TAOK3: variants seen among roughly 807,000 people sequenced by gnomAD.
The protein encoded by TAOK3 is TAO kinase 3.
Under a neutral mutation model 120.4 loss-of-function variants are expected in TAOK3, and 40 were observed. That is an observed-to-expected ratio of 0.33 (90% CI 0.26 to 0.43). TAOK3 has a LOEUF of 0.43. Ranked by LOEUF, TAOK3 falls within the 20% of genes least tolerant of loss-of-function variation. TAOK3 has a pLI of 1.00. For synonymous variants in TAOK3, 355 were observed against 387.5 expected (o/e 0.92, Z 0.99); for missense variants, 821 against 1,112.1 (o/e 0.74, Z 3.72).
chr12:118,182,613 A>ATG (rs2036814637), intron 14 of TAOK3, among the ~76,000 whole-genome samples: 2 of 85,070 alleles, frequency 2.4e-5, no homozygotes, highest in Non-Finnish European at 4.6e-5. Flanking sequence ...ATATATATAT[A>ATG]TATATATATA....
chr12:118,199,204 G>A lies in TAOK3; in HGVS notation c.1041C>T (p.Asn347=), dbSNP rs141081820. Residue 347 remains asparagine, a synonymous_variant, in exon 13 of 21, where the codon AAC becomes AAT. Transcript: ENST00000392533. ...TCACGGACATGCTTGGAATGGAATGGTTGCTGCCCAGGCTGTCCATTTCCC... is the reference window on the plus strand; with the variant it reads ...TCACGGACATGCTTGGAATGGAATGATTGCTGCCCAGGCTGTCCATTTCCC... ...LNREMDSLGS[N]HSIPSMSVST... 4.1e-5 allele frequency: 66 copies of A among 1,613,990 alleles called. No homozygotes were observed. The highest frequency in any genetic ancestry group is 5.1e-5 in the Non-Finnish European group (60 of 1,180,020).
At chr12:118,265,343 C>T (rs1234306705) in intron 2 of TAOK3, among the ~76,000 whole-genome samples, 1 of 141,478 alleles carries the variant, frequency 7.1e-6, no homozygotes, top group Non-Finnish European at 1.5e-5. Context: ...GAGCTGAGAT[C>T]ATGCCACTCC....
intron 1 of TAOK3, among the ~76,000 whole-genome samples, chr12:118,317,920 A>G (rs2043537568): frequency 6.6e-6 from 1 of 152,186 alleles, no homozygotes; most frequent in African/African-American, 2.4e-5. Context: ...AAGGACAGAC[A>G]TATATAGACC....
intron 13 of TAOK3, among the ~76,000 whole-genome samples, chr12:118,196,258 T>C (rs1424045679): frequency 6.6e-6 from 1 of 152,144 alleles, no homozygotes; most frequent in Non-Finnish European, 1.5e-5. Flanking sequence ...CCTGCTAAAA[T>C]CAGGGCATCT....
At chr12:118,244,551 CAG>C (rs1283959492) in intron 4 of TAOK3, among the ~76,000 whole-genome samples, 23 of 115,194 alleles carry the variant, frequency 2.0e-4, no homozygotes, top group African/African-American at 7.5e-4. Context: ...TTTTTTGAGA[CAG>C]AGCCTCGCTC....
At chr12:118,179,483 G>C (rs147015479) in intron 15 of TAOK3, among the ~76,000 whole-genome samples, 92 of 152,224 alleles carry the variant, frequency 6.0e-4, no homozygotes, top group African/African-American at 2.2e-3. Flanking sequence ...AGCATTAGGA[G>C]ATATACCTAA....
At chr12:118,326,263 T>G (rs905132632) in intron 1 of TAOK3, among the ~76,000 whole-genome samples, 9 of 152,338 alleles carry the variant, frequency 5.9e-5, no homozygotes, top group African/African-American at 1.9e-4. Context: ...TTGAAGAGAT[T>G]ATCCTTTCTC....
At chr12:118,213,887 G>T in intron 10 of TAOK3, 130 bp downstream of exon 10, 1 of 772,678 alleles carries the variant, frequency 1.3e-6, no homozygotes, top group Non-Finnish European at 2.1e-6. Context: ...AGGCATCAGT[G>T]TCACTTGTAA....
intron 1 of TAOK3, among the ~76,000 whole-genome samples, chr12:118,361,120 C>T (rs941934533): frequency 6.6e-6 from 1 of 152,132 alleles, no homozygotes; most frequent in Non-Finnish European, 1.5e-5. Context: ...ATATCAGCAT[C>T]GAAGCAAAAC....
chr12:118,175,384 T>A (rs959590695), intron 16 of TAOK3, among the ~76,000 whole-genome samples: 4 of 152,136 alleles, frequency 2.6e-5, no homozygotes, highest in African/African-American at 9.7e-5. Flanking sequence ...CTCAGCACTT[T>A]GGGAGGCTGA....
Position 118,371,534 on chromosome 12 carries a change from C to CA in TAOK3, c.-194+1113_-194+1114insT, listed in dbSNP as rs2045892324. 6.6e-6 allele frequency among the ~76,000 whole-genome samples: 1 copy of CA among 151,654 alleles called. No individual in the cohort carries two copies. Among genetic ancestry groups the CA allele is most frequent in the East Asian group, 1.9e-4 (1 of 5,138 alleles). ...ATGACATAATCCGGCTCCGGAGTCC[C>CA]CCGGAGTCCCGGGGGCTCACACTCC... is the stretch of plus-strand genomic sequence containing the variant. On this transcript the variant is annotated intron_variant, in intron 1 of 20. Transcript: ENST00000392533. The surrounding 1 kb of genome is among the most constrained non-coding windows in gnomAD (Gnocchi z 5.5).
rs1156263653 is a variant in TAOK3 at position 118,150,652 on chromosome 12, G to T, written c.*345C>A. On this transcript the variant is annotated 3_prime_UTR_variant, in exon 21 of 21. Transcript: ENST00000392533. ...TGGTGGTAATGAGTGATTGCTTAAA[G>T]CAATATACATCCACTTTTTTTGTTG... 5 of 185,106 alleles carry T rather than the reference G, an allele frequency of 2.7e-5. No individual in the cohort carries two copies. The allele number at this position is 185,106 out of a possible 1,614,324, so 11.5% of individuals were successfully genotyped here.
intron 1 of TAOK3, among the ~76,000 whole-genome samples, chr12:118,342,662 TA>T (rs2044662740): frequency 6.6e-6 from 1 of 152,300 alleles, no homozygotes; most frequent in Non-Finnish European, 1.5e-5. Context: ...ATCTGGGCTC[TA>T]CAGCTCACAC....
At chr12:118,297,091 T>A (rs1374356845) in intron 1 of TAOK3, 1 of 152,162 alleles carries the variant, frequency 6.6e-6, no homozygotes, top group East Asian at 1.9e-4. Context: ...TTCTTCCGCA[T>A]GATTAATAAG....
intron 1 of TAOK3, among the ~76,000 whole-genome samples, chr12:118,329,538 TA>T (rs2044063360): frequency 6.6e-6 from 1 of 152,190 alleles, no homozygotes; most frequent in South Asian, 2.1e-4. Flanking sequence ...GAAAAAGGAC[TA>T]TATTCTGTAT....
At position 118,181,353 on chromosome 12, in the gene TAOK3, G is replaced by C. The variant is rs375131537; in HGVS notation, c.1566+18C>G. On this transcript the variant is annotated intron_variant, in intron 15 of 20. Transcript: ENST00000392533. ...CTGGGCTTGGTTGTGGCATGAAGGC[G>C]TGTGTGCACATACTGACCTCCTTTT... 28 of 1,592,104 alleles carry C rather than the reference G, an allele frequency of 1.8e-5. No individual in the cohort carries two copies. In the Middle Eastern group the frequency reaches 8.3e-4, roughly 47 times the overall value.
At chr12:118,292,418 G>A (rs1385438133) in intron 1 of TAOK3, among the ~76,000 whole-genome samples, 2 of 152,000 alleles carry the variant, frequency 1.3e-5, no homozygotes, top group East Asian at 1.9e-4. Flanking sequence ...ACTTTTTTTG[G>A]TTGGGCCTAG....
At chr12:118,281,502 C>T (rs1049534226) in intron 1 of TAOK3, among the ~76,000 whole-genome samples, 8 of 152,172 alleles carry the variant, frequency 5.3e-5, no homozygotes, top group South Asian at 4.2e-4. Flanking sequence ...TATTAAAAAG[C>T]GTCCAGGTGT....
Position 118,244,819 on chromosome 12 carries a change from C to T in TAOK3, c.192+75G>A, listed in dbSNP as rs542802796. ...CTGGGATTACAGGCGTGAACCACCG[C>T]GCCCGGCCAGAATTTTGTTAATTTC... On this transcript the variant is annotated intron_variant, in intron 4 of 20. Coordinates refer to ENST00000392533, the MANE Select transcript of TAOK3 (RefSeq NM_016281.4). 7.1e-6 allele frequency: 8 copies of T among 1,133,468 alleles called. No homozygotes were observed. In the African/African-American group the frequency reaches 1.1e-4, roughly 15 times the overall value. The allele number at this position is 1,133,468 out of a possible 1,614,324, so 70.2% of individuals were successfully genotyped here. A position where few individuals can be genotyped will look rare whatever the true frequency, so the allele number is the denominator to read the frequency against.
Sources: allele counts gnomAD v4.1 joint callset (sites outside exome capture counted in the v4.1 genomes callset), GRCh38; gene constraint gnomAD v4.1.1; non-coding constraint Gnocchi (gnomAD v3.1); transcripts MANE v1.5; gene names NCBI Gene and HGNC (gene_info 2026-07-23, HGNC 2026-07-21).